MAS1L: variants seen among roughly 807,000 people sequenced by gnomAD.
MAS1L encodes the protein mas-related G protein-coupled receptor MRG.
For synonymous variants in MAS1L, 160 were observed against 182.9 expected, an observed-to-expected ratio of 0.87 and a Z score of 1.01; for missense variants, 441 against 460.1, an observed-to-expected ratio of 0.96 and a Z score of 0.38.
At position 29,487,422 on chromosome 6, in the gene MAS1L, G is replaced by A; in HGVS notation, c.481C>T (p.Leu161Phe). Residue 161 changes from leucine to phenylalanine, a missense_variant, in exon 1 of 1, where the codon CTC becomes TTC. Physicochemically the swap from Leu to Phe is conservative, Grantham distance 22. Coordinates refer to ENST00000377127, the MANE Select transcript of MAS1L (RefSeq NM_052967.2). ...ILSPFSFEVC[L>F]CLLVAISTER... ...GTGCTGATGGCCACCAGGAGACAGA[G>A]ACACACCTCAAAGGAGAAGGGAGAC... is the stretch of plus-strand genomic sequence containing the variant. 2 of 1,607,698 alleles carry A rather than the reference G, an allele frequency of 1.2e-6. No homozygotes were observed. Among genetic ancestry groups the A allele is most frequent in the Non-Finnish European group, 1.7e-6 (2 of 1,177,144 alleles).
Position 29,487,380 on chromosome 6 carries a change from C to A in MAS1L, c.523G>T (p.Val175Phe). The A allele has an allele frequency of 6.2e-7, 1 of 1,611,948 alleles. No individual in the cohort carries two copies. Among genetic ancestry groups the A allele is most frequent in the Non-Finnish European group, 8.5e-7 (1 of 1,179,146 alleles). The stretch of plus-strand genomic sequence containing the variant: ...CATCTGTACCAGATGGGGAAGAGGA[C>A]ACACACACACCGCTCTGTGCTGATG... Reference protein sequence around the residue: ...VAISTERCVCVLFPIWYRCHR... With the variant: ...VAISTERCVCFLFPIWYRCHR... The change falls in exon 1 of 1, where the codon GTC becomes TTC. Residue 175 changes from valine (V) to phenylalanine (F), a missense_variant. Transcript: ENST00000377127.
In MAS1L at chr6:29,487,537, A is replaced by G; in HGVS notation, c.366T>C (p.Tyr122=). 1 of 1,614,192 alleles carries G rather than the reference A, an allele frequency of 6.2e-7. No homozygotes were observed. The highest frequency in any genetic ancestry group is 2.2e-5 in the East Asian group (1 of 44,870). ...AGAACCCCACTGCCGAGCAGCAAAG[A>G]TAGATCACGTCAGCAGCGACCAGGT... ...ILHLVAADVI[Y]LCCSAVGFLQ... is the part of the protein sequence containing the mutation. Residue 122 remains tyrosine (Y), a synonymous_variant, in exon 1 of 1, where the codon TAT becomes TAC. Transcript: ENST00000377127.
rs758456573 is a variant in MAS1L at position 29,487,490 on chromosome 6, T to C, written c.413A>G (p.Tyr138Cys). Reference protein sequence around the residue: ...VGFLQVTLLTYHGVVFFIPDF... With the variant: ...VGFLQVTLLTCHGVVFFIPDF... ...AGGGATAAAAAACACGACTCCATGA[T>C]AAGTTAGCAGAGTCACCTGTAAGAA... is the stretch of plus-strand genomic sequence containing the variant. Residue 138 changes from tyrosine to cysteine, a missense_variant, in exon 1 of 1, where the codon TAT becomes TGT. Physicochemically the swap from Tyr to Cys is radical, Grantham distance 194. Coordinates refer to ENST00000377127, the MANE Select transcript of MAS1L (RefSeq NM_052967.2). 3.1e-6 allele frequency: 5 copies of C among 1,613,886 alleles called. No homozygotes were observed. The highest frequency in any genetic ancestry group is 2.7e-5 in the African/African-American group (2 of 74,850).
Position 29,487,144 on chromosome 6 carries a change from G to C in MAS1L, c.759C>G (p.Cys253Trp), listed in dbSNP as rs370874813. ...CCCTGGTGGCCTTTTGCTGCTGGGA[G>C]CAGCACAGGAATCTAATGAGTAGAG... is the stretch of plus-strand genomic sequence containing the variant. Reference protein sequence around the residue: ...SLTLLIRFLCCSQQQKATRVY... With the variant: ...SLTLLIRFLCWSQQQKATRVY... Residue 253 changes from cysteine (C) to tryptophan (W), a missense_variant, in exon 1 of 1, where the codon TGC (cysteine) becomes TGG (tryptophan). Transcript: ENST00000377127. The C allele has an allele frequency of 5.6e-6, 9 of 1,613,990 alleles. No homozygotes were observed. The highest frequency in any genetic ancestry group is 7.6e-6 in the Non-Finnish European group (9 of 1,180,024).
rs1434138350 is a variant in MAS1L at position 29,487,367 on chromosome 6, A to T, written c.536T>A (p.Ile179Asn). ...TTTTGGGCGGTGGCATCTGTACCAG[A>T]TGGGGAAGAGGACACACACACACCG... ...TERCVCVLFP[I>N]WYRCHRPKYT... Residue 179 changes from isoleucine to asparagine, a missense_variant, in exon 1 of 1, where the codon ATC becomes AAC. By Grantham distance (149) the Ile-to-Asn change is moderately radical. Transcript: ENST00000377127. 1 of 1,613,294 alleles carries T rather than the reference A, an allele frequency of 6.2e-7. No homozygotes were observed. Among genetic ancestry groups the T allele is most frequent in the Admixed American group, 1.7e-5 (1 of 59,950 alleles).
rs1412654515 is a variant in MAS1L, at chr6:29,487,561, G to A, written c.342C>T (p.His114=). The change falls in exon 1 of 1, where the codon CAC becomes CAT. Residue 114 remains histidine (H), a synonymous_variant. Transcript: ENST00000377127. The part of the protein sequence containing the change: ...ATNPYMVYIL[H]LVAADVIYLC... Reference sequence around the variant, plus strand: ...GATAGATCACGTCAGCAGCGACCAGGTGGAGGATGTATACCATGTAGGGAT... The same window carrying A: ...GATAGATCACGTCAGCAGCGACCAGATGGAGGATGTATACCATGTAGGGAT... 1 of 1,614,076 alleles carries A rather than the reference G, an allele frequency of 6.2e-7. No homozygotes were observed. The highest frequency in any genetic ancestry group is 1.3e-5 in the African/African-American group (1 of 74,934).
chr6:29,487,313 A>G lies in MAS1L; in HGVS notation c.590T>C (p.Ile197Thr), dbSNP rs1789358775. The change falls in exon 1 of 1, where the codon ATC becomes ACC. Residue 197 changes from isoleucine (I) to threonine (T), a missense_variant. By Grantham distance (89) the Ile-to-Thr change is moderately conservative. Transcript: ENST00000377127. ...KYTSNVVCTL[I>T]WGLPFCINIV... is the part of the protein sequence containing the mutation. ...GTTGATGCAAAAAGGCAGGCCCCAG[A>G]TGAGGGTGCAGACAACATTAGATGT... is the stretch of plus-strand genomic sequence containing the variant. 1 of 1,614,016 alleles carries G rather than the reference A, an allele frequency of 6.2e-7. No homozygotes were observed. The highest frequency in any genetic ancestry group is 8.5e-7 in the Non-Finnish European group (1 of 1,180,040).
At position 29,486,844 on chromosome 6, in the gene MAS1L, G is replaced by T; in HGVS notation, c.1059C>A (p.Asp353Glu). 6.2e-7 allele frequency: 1 copy of T among 1,614,122 alleles called. No homozygotes were observed. Among genetic ancestry groups the T allele is most frequent in the Non-Finnish European group, 8.5e-7 (1 of 1,180,018 alleles). Residue 353 changes from aspartate to glutamate, a missense_variant, in exon 1 of 1, where the codon GAC (aspartate) becomes GAA (glutamate). By Grantham distance (45) the Asp-to-Glu change is conservative (BLOSUM62 2). Transcript: ENST00000377127. Reference protein sequence around the residue: ...VGRNKKAAGIDPMEQPHSTQH... With the variant: ...VGRNKKAAGIEPMEQPHSTQH... ...GAGTAGAGTGTGGTTGCTCCATTGG[G>T]TCGATGCCAGCTGCCTTTTTGTTCC... is the stretch of plus-strand genomic sequence containing the variant.
Position 29,487,218 on chromosome 6 carries a change from C to A in MAS1L, c.685G>T (p.Gly229Trp). ...KACVIFLKLS[G>W]LFHAILSLVM... is the part of the protein sequence containing the mutation. ...AGTGAAAGGATAGCATGGAAGAGCCCAGAAAGCTTTAGAAATATGACACAT... is the reference window on the plus strand; with the variant it reads ...AGTGAAAGGATAGCATGGAAGAGCCAAGAAAGCTTTAGAAATATGACACAT... Residue 229 changes from glycine (G) to tryptophan (W), a missense_variant, in exon 1 of 1, where the codon GGG becomes TGG. Gly to Trp is a radical substitution (Grantham distance 184, BLOSUM62 -2). Transcript: ENST00000377127. The A allele has an allele frequency of 6.2e-7, 1 of 1,614,054 alleles. No individual in the cohort carries two copies. The highest frequency in any genetic ancestry group is 1.6e-4 in the Middle Eastern group (1 of 6,062).
In MAS1L at chr6:29,486,960, A is replaced by T; in HGVS notation, c.943T>A (p.Phe315Ile). ...INSSANPIIY[F>I]FVGSLRKKRL... Reference sequence around the variant, plus strand: ...TTCTTTCTGAGGCTCCCCACAAAGAAATAAATGATAGGGTTGGCGCTGCTG... The same window carrying T: ...TTCTTTCTGAGGCTCCCCACAAAGATATAAATGATAGGGTTGGCGCTGCTG... Residue 315 changes from phenylalanine (F) to isoleucine (I), a missense_variant, in exon 1 of 1, where the codon TTC becomes ATC. Transcript: ENST00000377127. 1 of 1,614,166 alleles carries T rather than the reference A, an allele frequency of 6.2e-7. No homozygotes were observed. Among genetic ancestry groups the T allele is most frequent in the Non-Finnish European group, 8.5e-7 (1 of 1,180,036 alleles).
chr6:29,487,667 G>A lies in MAS1L; in HGVS notation c.236C>T (p.Ala79Val), dbSNP rs759864566. 3.7e-6 allele frequency: 6 copies of A among 1,614,202 alleles called. No homozygotes were observed. The highest frequency in any genetic ancestry group is 5.1e-6 in the Non-Finnish European group (6 of 1,180,022). Residue 79 changes from alanine (A) to valine (V), a missense_variant, in exon 1 of 1, where the codon GCC (alanine) becomes GTC (valine). Transcript: ENST00000377127. ...GQQALPLNII[A>V]PKAVLVSLCG... ...GAGGGAGACCAGCACAGCCTTGGGG[G>A]CAATGATATTCAAGGGCAGGGCCTG... is the stretch of plus-strand genomic sequence containing the variant.
rs777540364 is a variant in MAS1L at position 29,487,843 on chromosome 6, C to T, written c.60G>A (p.Glu20=). 6.2e-7 allele frequency: 1 copy of T among 1,613,756 alleles called. No homozygotes were observed. ...GGCTACATGAGAGAGATATCTGTGA[C>T]TCAGCAAACACTGTCCATCCAGCCC... ...SQRAGWTVFA[E]SQISLSCSLC... The change falls in exon 1 of 1, where the codon GAG becomes GAA. Residue 20 remains glutamate, a synonymous_variant. Coordinates refer to ENST00000377127, the MANE Select transcript of MAS1L (RefSeq NM_052967.2).
chr6:29,487,874 C>A lies in MAS1L; in HGVS notation c.29G>T (p.Ser10Ile), dbSNP rs61730672. MVWGKICWFSQRAGWTVFAE... is the reference protein window; with the variant it reads MVWGKICWFIQRAGWTVFAE... ...AAACACTGTCCATCCAGCCCTCTGGCTGAACCAGCAAATTTTCCCCCAGAC... is the reference window on the plus strand; with the variant it reads ...AAACACTGTCCATCCAGCCCTCTGGATGAACCAGCAAATTTTCCCCCAGAC... The change falls in exon 1 of 1, where the codon AGC (serine) becomes ATC (isoleucine). Residue 10 changes from serine (S) to isoleucine (I), a missense_variant. Physicochemically the swap from Ser to Ile is moderately radical, Grantham distance 142. Transcript: ENST00000377127. The A allele has an allele frequency of 2.5e-6, 4 of 1,611,054 alleles. No individual in the cohort carries two copies. In the African/African-American group the frequency reaches 4.0e-5, roughly 16 times the overall value.
chr6:29,486,745 C>T lies in MAS1L; in HGVS notation c.*21G>A. The T allele has an allele frequency of 6.3e-7, 1 of 1,593,406 alleles. No individual in the cohort carries two copies. The highest frequency in any genetic ancestry group is 8.5e-7 in the Non-Finnish European group (1 of 1,170,568). Reference sequence around the variant, plus strand: ...AGGCTGGGTTACTATGTGTACAATTCCCCAGCTCAGATGTGGGAAATTATG... The same window carrying T: ...AGGCTGGGTTACTATGTGTACAATTTCCCAGCTCAGATGTGGGAAATTATG... On this transcript the variant is annotated 3_prime_UTR_variant, in exon 1 of 1. Transcript: ENST00000377127.
rs1313256801 is a variant in MAS1L, at chr6:29,487,934, C to G, written c.-32G>C. ...CTGGGACCTGAGTGGGCCACAACAT[C>G]ACAGTCAGGAGCAGTGGTCCATCTA... On this transcript the variant is annotated 5_prime_UTR_variant, in exon 1 of 1. Transcript: ENST00000377127. The G allele has an allele frequency of 6.3e-7, 1 of 1,578,258 alleles. No homozygotes were observed. Among genetic ancestry groups the G allele is most frequent in the Admixed American group, 1.7e-5 (1 of 58,106 alleles).
In MAS1L at chr6:29,487,174, A is replaced by G; in HGVS notation, c.729T>C (p.Ser243=). The change falls in exon 1 of 1, where the codon AGT becomes AGC. Residue 243 remains serine (S), a synonymous_variant. Transcript: ENST00000377127. ...AILSLVMCVS[S]LTLLIRFLCC... ...ACAGGAATCTAATGAGTAGAGTCAG[A>G]CTCGACACACACATCACAAGTGAAA... 1 of 1,614,128 alleles carries G rather than the reference A, an allele frequency of 6.2e-7. No individual in the cohort carries two copies. The highest frequency in any genetic ancestry group is 8.5e-7 in the Non-Finnish European group (1 of 1,180,016).
rs1441104939 is a variant in MAS1L at position 29,487,165 on chromosome 6, T to C, written c.738A>G (p.Leu246=). The C allele has an allele frequency of 1.2e-6, 2 of 1,613,606 alleles. No individual in the cohort carries two copies. The highest frequency in any genetic ancestry group is 1.7e-6 in the Non-Finnish European group (2 of 1,179,954). Residue 246 remains leucine, a synonymous_variant, in exon 1 of 1, where the codon CTA becomes CTG. Transcript: ENST00000377127. ...SLVMCVSSLT[L]LIRFLCCSQQ... is the part of the protein sequence containing the mutation. ...GGGAGCAGCACAGGAATCTAATGAG[T>C]AGAGTCAGACTCGACACACACATCA...
rs771308704 is a variant in MAS1L, at chr6:29,487,361, T to C, written c.542A>G (p.Tyr181Cys). Residue 181 changes from tyrosine (Y) to cysteine (C), a missense_variant, in exon 1 of 1, where the codon TAC becomes TGC. Physicochemically the swap from Tyr to Cys is radical, Grantham distance 194. Coordinates refer to ENST00000377127, the MANE Select transcript of MAS1L (RefSeq NM_052967.2). ...TGTGTATTTTGGGCGGTGGCATCTG[T>C]ACCAGATGGGGAAGAGGACACACAC... ...RCVCVLFPIW[Y>C]RCHRPKYTSN... 8.9e-5 allele frequency: 143 copies of C among 1,613,894 alleles called. No homozygotes were observed. Among genetic ancestry groups the C allele is most frequent in the Non-Finnish European group, 1.2e-4 (139 of 1,180,040 alleles).
Position 29,487,093 on chromosome 6 carries a change from G to A in MAS1L, c.810C>T (p.Ala270=), listed in dbSNP as rs1464721538. The part of the protein sequence containing the change: ...TRVYAVVQIS[A]PMFLLWALPL... ...GTAGGGCCCAGAGTAGGAACATGGG[G>A]GCCGAGATCTGCACCACCGCATAGA... Residue 270 remains alanine (A), a synonymous_variant, in exon 1 of 1, where the codon GCC becomes GCT. Coordinates refer to ENST00000377127, the MANE Select transcript of MAS1L (RefSeq NM_052967.2). 6.5e-7 allele frequency: 1 copy of A among 1,529,326 alleles called. No homozygotes were observed. The highest frequency in any genetic ancestry group is 8.8e-7 in the Non-Finnish European group (1 of 1,135,940). 94.7% of individuals were successfully genotyped at this position (1,529,326 alleles called of 1,614,324 possible).
Sources: allele counts gnomAD v4.1 joint callset, GRCh38; gene constraint gnomAD v4.1.1; transcripts MANE v1.5; gene names NCBI Gene and HGNC (gene_info 2026-07-23, HGNC 2026-07-21).